Variants in TENM3 observed in about 807,000 individuals in gnomAD.
The protein encoded by TENM3 is teneurin-3.
A neutral mutation model predicts 255.1 loss-of-function variants in TENM3; 63 were observed. That is an observed-to-expected ratio of 0.25 (90% CI 0.20 to 0.30). The LOEUF is 0.30. Among genes scored for constraint, TENM3 ranks in the 10% least tolerant of loss-of-function variants. TENM3 has a pLI of 1.00. For synonymous variants in TENM3, 1,306 were observed against 1,322.3 expected, an observed-to-expected ratio of 0.99 and a Z score of 0.27; for missense variants, 2,929 against 3,461.1, an observed-to-expected ratio of 0.85 and a Z score of 3.86.
intron 1 of TENM3, among the ~76,000 whole-genome samples, chr4:182,237,547 T>C (rs769295465): frequency 1.4e-4 from 21 of 151,988 alleles, no homozygotes; most frequent in Non-Finnish European, 2.1e-4. Flanking sequence ...ATCCCAGCAC[T>C]TTGAGAGGCC....
the TENM3 span, chr4:181,905,980 T>A: frequency 3.9e-6 from 2 of 512,660 alleles, no homozygotes; most frequent in South Asian, 1.7e-5. Flanking sequence ...GGTACATACT[T>A]TTTTACTCAA....
the TENM3 span, among the ~76,000 whole-genome samples, chr4:181,859,466 A>C: frequency 6.6e-6 from 1 of 152,182 alleles, no homozygotes; most frequent in Non-Finnish European, 1.5e-5. Flanking sequence ...GGAAATTATG[A>C]AAACAAGTGA....
the TENM3 span, among the ~76,000 whole-genome samples, chr4:181,924,320 G>C: frequency 1.4e-4 from 22 of 152,162 alleles, no homozygotes; most frequent in Non-Finnish European, 1.3e-4. Flanking sequence ...ATGGACCTTT[G>C]AGTGTTGAAG....
the TENM3 span, among the ~76,000 whole-genome samples, chr4:182,039,342 G>A: frequency 1.3e-5 from 2 of 152,158 alleles, no homozygotes; most frequent in East Asian, 1.9e-4. Flanking sequence ...GCGTCAGGAT[G>A]TCGCATCTGT....
chr4:182,784,911 G>T (rs1223830593), intron 24 of TENM3, among the ~76,000 whole-genome samples: 1 of 152,188 alleles, frequency 6.6e-6, no homozygotes, highest in African/African-American at 2.4e-5. Flanking sequence ...CCCTGCTTCG[G>T]CTCGCGCACG....
the TENM3 span, among the ~76,000 whole-genome samples, chr4:181,516,368 T>A: frequency 4.3e-4 from 61 of 141,278 alleles, no homozygotes; most frequent in South Asian, 9.0e-4. Flanking sequence ...AAAAAATATT[T>A]AAAAAAAAAA....
intron 3 of TENM3, among the ~76,000 whole-genome samples, chr4:182,389,556 A>G (rs1768260265): frequency 2.0e-5 from 3 of 152,188 alleles, no homozygotes; most frequent in Non-Finnish European, 4.4e-5. Context: ...AAATTTAACT[A>G]TCTAACAGGG....
rs1195979184 is a variant in TENM3 at position 182,197,670 on chromosome 4, T to G, written c.-76+52916T>G. ...TTTTGCATATAAATGGTTTAAATAGTGACAATAACTTTAGTTTTGTCAGAT... is the reference window on the plus strand; with the variant it reads ...TTTTGCATATAAATGGTTTAAATAGGGACAATAACTTTAGTTTTGTCAGAT... On this transcript the variant is annotated intron_variant, in intron 1 of 2. Coordinates refer to the TENM3 transcript ENST00000512480. 3.3e-5 allele frequency among the ~76,000 whole-genome samples: 5 copies of G among 152,250 alleles called. 1 individual carries two copies.
chr4:182,713,488 A>G (rs1579203504), intron 12 of TENM3, among the ~76,000 whole-genome samples: 1 of 152,248 alleles, frequency 6.6e-6, no homozygotes, highest in Non-Finnish European at 1.5e-5. Flanking sequence ...GGCATAAAGT[A>G]TAGTCATTAA....
the TENM3 span, among the ~76,000 whole-genome samples, chr4:181,471,081 C>G: frequency 1.3e-5 from 2 of 152,134 alleles, no homozygotes; most frequent in Non-Finnish European, 2.9e-5. Flanking sequence ...TGATTTTTCT[C>G]ATGCCCACTC....
intron 3 of TENM3, among the ~76,000 whole-genome samples, chr4:182,418,278 A>G (rs575098449): frequency 1.0e-3 from 154 of 152,376 alleles, no homozygotes; most frequent in Admixed American, 4.1e-3. Flanking sequence ...TTTTATTTTC[A>G]AAAAGCAAGT....
At chr4:181,462,933 A>G in the TENM3 span, among the ~76,000 whole-genome samples, 1 of 152,190 alleles carries the variant, frequency 6.6e-6, no homozygotes, top group Non-Finnish European at 1.5e-5. Context: ...CTAGTGCATC[A>G]CCTGTATTGG....
the TENM3 span, among the ~76,000 whole-genome samples, chr4:182,069,781 A>T: frequency 1.6e-4 from 24 of 152,206 alleles, no homozygotes; most frequent in Non-Finnish European, 1.2e-4. Context: ...CTGCTCAGAA[A>T]TCTTGACAGG....
intron 1 of TENM3, among the ~76,000 whole-genome samples, chr4:182,214,747 G>A (rs1200515261): frequency 6.6e-6 from 1 of 151,960 alleles, no homozygotes; most frequent in African/African-American, 2.4e-5. Flanking sequence ...ATTTATAAGA[G>A]TTAGGAAAAA....
the TENM3 span, among the ~76,000 whole-genome samples, chr4:181,484,895 A>G: frequency 6.6e-6 from 1 of 152,204 alleles, no homozygotes; most frequent in Admixed American, 6.5e-5. Context: ...ATATTGATAT[A>G]AAGAGTTATG....
intron 3 of TENM3, among the ~76,000 whole-genome samples, chr4:182,587,402 T>TA (rs1746133188): frequency 6.6e-6 from 1 of 152,164 alleles, no homozygotes; most frequent in East Asian, 1.9e-4. Flanking sequence ...CTACTAAAAA[T>TA]ACAAAAATTG....
chr4:182,301,891 G>C (rs1042340942), intron 1 of TENM3, among the ~76,000 whole-genome samples: 3 of 152,152 alleles, frequency 2.0e-5, no homozygotes, highest in Non-Finnish European at 4.4e-5. Flanking sequence ...AACAGCCAGC[G>C]ATCCAGTTCT....
chr4:181,679,744 G>T, the TENM3 span, among the ~76,000 whole-genome samples: 28 of 152,178 alleles, frequency 1.8e-4, no homozygotes, highest in Non-Finnish European at 3.1e-4. Flanking sequence ...GTATTATTGC[G>T]ACTGAATTAC....
the TENM3 span, among the ~76,000 whole-genome samples, chr4:181,687,714 C>T: frequency 0.015 from 2,243 of 152,206 alleles, 59 homozygotes; most frequent in African/African-American, 0.051. Context: ...AAGCCATCAC[C>T]TCTTTTAGGC....
Sources: gnomAD v4.1 joint callset for allele counts (sites outside exome capture counted in the v4.1 genomes callset) on GRCh38, gnomAD v4.1.1 for gene constraint, MANE v1.5 for transcripts, NCBI Gene and HGNC (gene_info 2026-07-23, HGNC 2026-07-21) for gene names.